The following RGS6 variants were observed in gnomAD, a reference collection of about 807,000 sequenced individuals.
RGS6 encodes the protein regulator of G protein signaling 6.
In RGS6, 30 loss-of-function variants were observed where a neutral mutation model predicts 78.5. That is an observed-to-expected ratio of 0.38 (90% confidence interval 0.29 to 0.52). The LOEUF (loss-of-function observed/expected upper bound fraction) is 0.52, where lower values mean the gene tolerates loss of function less well. Ranked by LOEUF, RGS6 falls within the 20% of genes least tolerant of loss-of-function variation. The pLI is 0.85. For synonymous variants in RGS6, 206 were observed against 206.0 expected (o/e 1.00, Z 0.00); for missense variants, 495 against 609.7 (o/e 0.81, Z 1.98).
intron 2 of RGS6, among the ~76,000 whole-genome samples, chr14:72,168,215 C>T (rs531322890): frequency 3.2e-4 from 49 of 152,268 alleles, no homozygotes; most frequent in African/African-American, 9.6e-4. Context: ...CATGCAGCAC[C>T]TGGTGCACAC....
At chr14:72,534,775 C>G (rs1382036687) in intron 15 of RGS6, among the ~76,000 whole-genome samples, 1 of 152,116 alleles carries the variant, frequency 6.6e-6, no homozygotes, top group African/African-American at 2.4e-5. Context: ...TCCTTCGATC[C>G]CTTCCCTGGA....
chr14:72,454,300 C>A (rs1021626041), intron 3 of RGS6, among the ~76,000 whole-genome samples: 1 of 152,114 alleles, frequency 6.6e-6, no homozygotes, highest in South Asian at 2.1e-4. Flanking sequence ...AATATAAGCT[C>A]ATCCTGCATC....
At chr14:72,523,667 G>A (rs919535265) in intron 15 of RGS6, among the ~76,000 whole-genome samples, 2 of 152,152 alleles carry the variant, frequency 1.3e-5, no homozygotes, top group African/African-American at 4.8e-5. Context: ...CCCAGCATTT[G>A]TACTTGTGTT....
intron 1 of RGS6, among the ~76,000 whole-genome samples, chr14:71,958,031 A>ATG (rs1164095502): frequency 6.6e-6 from 1 of 151,944 alleles, no homozygotes; most frequent in Non-Finnish European, 1.5e-5. Context: ...ATATATATAT[A>ATG]TATATGCAGC....
intron 2 of RGS6, among the ~76,000 whole-genome samples, chr14:72,089,056 T>C (rs542575430): frequency 6.6e-6 from 1 of 152,368 alleles, no homozygotes; most frequent in South Asian, 2.1e-4. Flanking sequence ...GCATTTACCA[T>C]TCTCTGAAAT....
intron 2 of RGS6, among the ~76,000 whole-genome samples, chr14:72,071,065 G>A (rs755324152): frequency 4.0e-5 from 6 of 151,556 alleles, no homozygotes; most frequent in South Asian, 2.1e-4. Flanking sequence ...GGATGTAGTC[G>A]CCTTTGATTT....
rs112278722 is a variant in RGS6, at chr14:72,054,849, A to T, written c.84+89974A>T. Among the ~76,000 whole-genome samples, 189 of 152,254 alleles carry T rather than the reference A, an allele frequency of 1.2e-3. 1 individual carries two copies. The highest frequency in any genetic ancestry group is 2.4e-3 in the Non-Finnish European group (160 of 68,024). Reference sequence around the variant, plus strand: ...ATTGTTTCATTTTGCCTGGCTTTGAACTTTATGAAGAGGTATCATCCCTGG... The same window carrying T: ...ATTGTTTCATTTTGCCTGGCTTTGATCTTTATGAAGAGGTATCATCCCTGG... On this transcript the variant is annotated intron_variant, in intron 2 of 17. Coordinates refer to ENST00000553525, the MANE Select transcript of RGS6 (RefSeq NM_001204424.2).
chr14:72,306,234 T>A (rs59335636), intron 2 of RGS6, among the ~76,000 whole-genome samples: 1 of 152,160 alleles, frequency 6.6e-6, no homozygotes, highest in African/African-American at 2.4e-5. Flanking sequence ...GACCTACTGC[T>A]CAAAAACAAA....
chr14:72,196,289 A>G (rs1488859900), intron 2 of RGS6, among the ~76,000 whole-genome samples: 2 of 151,988 alleles, frequency 1.3e-5, no homozygotes, highest in African/African-American at 4.8e-5. Flanking sequence ...TGGAGAGGAG[A>G]GGCTGTCAGA....
chr14:72,220,943 C>G (rs1323801877), intron 2 of RGS6, among the ~76,000 whole-genome samples: 1 of 152,130 alleles, frequency 6.6e-6, no homozygotes, highest in East Asian at 1.9e-4. Flanking sequence ...TCAGATGACT[C>G]ACACTCCCAA....
intron 2 of RGS6, among the ~76,000 whole-genome samples, chr14:72,110,707 G>A (rs2095739977): frequency 6.6e-6 from 1 of 152,176 alleles, no homozygotes; most frequent in Admixed American, 6.5e-5. Flanking sequence ...GGTATGTAAG[G>A]CTGTAGAATG....
chr14:72,093,728 AT>A (rs1193666876), intron 2 of RGS6, among the ~76,000 whole-genome samples: 1 of 152,042 alleles, frequency 6.6e-6, no homozygotes, highest in Admixed American at 6.5e-5. Context: ...TGTTGCTGTC[AT>A]GGTCATTGCA....
intron 2 of RGS6, among the ~76,000 whole-genome samples, chr14:72,250,281 G>T (rs1248435696): frequency 6.6e-6 from 1 of 150,952 alleles, no homozygotes; most frequent in Non-Finnish European, 1.5e-5. Flanking sequence ...TTTAATGATT[G>T]TTGCACTCTC....
chr14:72,163,288 T>C (rs1331804871), intron 2 of RGS6, among the ~76,000 whole-genome samples: 2 of 152,272 alleles, frequency 1.3e-5, no homozygotes, highest in Non-Finnish European at 2.9e-5. Context: ...ATTAAAACTC[T>C]AATTGTTTCC....
In RGS6 at chr14:72,547,147, C is replaced by T. The variant is rs1215975959; in HGVS notation, c.1422+7053C>T. The T allele has an allele frequency of 5.9e-6, 9 of 1,533,566 alleles. 1 individual carries two copies. In the South Asian group the frequency reaches 9.5e-5, roughly 16 times the overall value. 95.0% of individuals were successfully genotyped at this position (1,533,566 alleles called of 1,614,324 possible). ...ACCACTCAGAAGACAGGATGCCCGC[C>T]TCTGCCTAGGACAGAGCCTGCCTCA... On this transcript the variant is annotated intron_variant, in intron 17 of 17. Coordinates refer to ENST00000553525, the MANE Select transcript of RGS6 (RefSeq NM_001204424.2).
chr14:72,428,479 T>C (rs2094510027), intron 3 of RGS6, among the ~76,000 whole-genome samples: 1 of 152,162 alleles, frequency 6.6e-6, no homozygotes, highest in East Asian at 1.9e-4. Flanking sequence ...CAGCATTTGT[T>C]ATCTCCTAGG....
chr14:72,563,039 C>A lies in RGS6; in HGVS notation c.*572C>A. 1 of 501,588 alleles carries A rather than the reference C, an allele frequency of 2.0e-6. No homozygotes were observed. The highest frequency in any genetic ancestry group is 3.6e-6 in the Non-Finnish European group (1 of 276,462). 31.1% of individuals were successfully genotyped at this position (501,588 alleles called of 1,614,324 possible). A position where few individuals can be genotyped will look rare whatever the true frequency, so the allele number is the denominator to read the frequency against. ...CTGCTTTCACGTAAAATGTCCAAAT[C>A]ACATCTTCAGCAAGAAAGCAACCTC... On this transcript the variant is annotated 3_prime_UTR_variant, in exon 18 of 18. Coordinates refer to ENST00000553525, the MANE Select transcript of RGS6 (RefSeq NM_001204424.2).
intron 9 of RGS6, chr14:72,473,849 A>C (rs2096159733): frequency 6.6e-6 from 1 of 152,214 alleles, no homozygotes; most frequent in African/African-American, 2.4e-5. Flanking sequence ...GGCCAACAGC[A>C]CTGTTGCTCA....
the RGS6 span, among the ~76,000 whole-genome samples, chr14:72,612,269 G>T: frequency 6.6e-6 from 1 of 152,134 alleles, no homozygotes; most frequent in African/African-American, 2.4e-5. Context: ...TGACCCATCT[G>T]CTTTCCCAAA....
Sources: gnomAD v4.1 joint callset for allele counts (sites outside exome capture counted in the v4.1 genomes callset) on GRCh38, gnomAD v4.1.1 for gene constraint, MANE v1.5 for transcripts, NCBI Gene and HGNC (gene_info 2026-07-23, HGNC 2026-07-21) for gene names.